Variants in LRRC4C observed in about 807,000 individuals in gnomAD.
LRRC4C encodes the protein leucine rich repeat containing 4C, also known as leucine-rich repeat-containing protein 4C.
LRRC4C carries 5 observed loss-of-function variants against 33.6 expected under a neutral mutation model. The observed-to-expected ratio is 0.15, with a 90% CI of 0.08 to 0.31. The LOEUF (loss-of-function observed/expected upper bound fraction) is 0.31. Ranked by LOEUF, LRRC4C falls within the 10% of genes least tolerant of loss-of-function variation. The pLI is 1.00. For synonymous variants in LRRC4C, 329 were observed against 302.0 expected (o/e 1.09, Z -0.93); for missense variants, 560 against 796.7 (o/e 0.70, Z 3.58).
At chr11:41,094,593 T>C (rs1376633017) in intron 1 of LRRC4C, among the ~76,000 whole-genome samples, 2 of 152,152 alleles carry the variant, frequency 1.3e-5, no homozygotes, top group Non-Finnish European at 2.9e-5. Flanking sequence ...CCTGTGTGAA[T>C]AGCTATCTAT....
At chr11:41,019,241 A>G (rs1441176996) in intron 1 of LRRC4C, among the ~76,000 whole-genome samples, 2 of 151,676 alleles carry the variant, frequency 1.3e-5, no homozygotes, top group African/African-American at 4.8e-5. Flanking sequence ...TCAATGTTCA[A>G]CTCTCACTTA....
chr11:40,298,542 C>T (rs1346780832), intron 4 of LRRC4C, among the ~76,000 whole-genome samples: 4 of 151,436 alleles, frequency 2.6e-5, no homozygotes, highest in Non-Finnish European at 4.4e-5. Flanking sequence ...CCTTTTCAGG[C>T]TTCTGTGTGA....
In LRRC4C at chr11:40,297,974, A is replaced by G. The variant is rs1273244236; in HGVS notation, c.-176+21654T>C. ...TTTGCTCATGTCTATGTCCCCCCCAACCTCCAAACCATAATTGATTTCACA... is the reference window on the plus strand; with the variant it reads ...TTTGCTCATGTCTATGTCCCCCCCAGCCTCCAAACCATAATTGATTTCACA... On this transcript the variant is annotated intron_variant, in intron 4 of 6. Coordinates refer to ENST00000528697, the MANE Select transcript of LRRC4C (RefSeq NM_001258419.2). Among the ~76,000 whole-genome samples the G allele has an allele frequency of 3.3e-5, 5 of 152,152 alleles. No individual in the cohort carries two copies. The East Asian group carries it at 5.8e-4, about 18-fold the overall frequency.
At chr11:40,127,992 C>T (rs141468692) in intron 6 of LRRC4C, among the ~76,000 whole-genome samples, 4 of 152,220 alleles carry the variant, frequency 2.6e-5, no homozygotes, top group Non-Finnish European at 5.9e-5. Context: ...TAATTTGAAA[C>T]AATGCTGAAG....
At chr11:40,995,736 A>T (rs903333008) in intron 1 of LRRC4C, among the ~76,000 whole-genome samples, 3 of 152,160 alleles carry the variant, frequency 2.0e-5, no homozygotes, top group African/African-American at 7.2e-5. Flanking sequence ...AGGTAGAATT[A>T]TATTACAACT....
intron 3 of LRRC4C, among the ~76,000 whole-genome samples, chr11:40,476,827 T>C (rs1321097025): frequency 6.6e-6 from 1 of 152,214 alleles, no homozygotes; most frequent in African/African-American, 2.4e-5. Flanking sequence ...TAAACATTTT[T>C]TAAAAAGGAG....
chr11:40,551,928 T>C (rs910351776), intron 3 of LRRC4C, among the ~76,000 whole-genome samples: 2 of 152,198 alleles, frequency 1.3e-5, no homozygotes, highest in Admixed American at 1.3e-4. Context: ...TTTAAGTTAG[T>C]AGACTTTGAG....
chr11:41,396,387 G>T (rs1953815464), intron 1 of LRRC4C, among the ~76,000 whole-genome samples: 2 of 152,118 alleles, frequency 1.3e-5, no homozygotes, highest in South Asian at 4.1e-4. Flanking sequence ...TTAAAGTGCA[G>T]AGTTTAGATT....
intron 2 of LRRC4C, among the ~76,000 whole-genome samples, chr11:40,778,146 T>C (rs150075054): frequency 4.9e-4 from 74 of 152,346 alleles, no homozygotes; most frequent in African/African-American, 1.7e-3. Context: ...AGTTGTTTTA[T>C]ATGGTCTGTT....
At chr11:40,814,937 A>C (rs1488871441) in intron 2 of LRRC4C, among the ~76,000 whole-genome samples, 1 of 152,122 alleles carries the variant, frequency 6.6e-6, no homozygotes, top group African/African-American at 2.4e-5. Flanking sequence ...AAACATTCCC[A>C]TATTTTTCTG....
In LRRC4C at chr11:40,382,123, ATTTTTTTTTTT is replaced by A. The variant is rs77934711; in HGVS notation, c.-269-62413_-269-62403del. ...AGGCGCCCACCACTATGCCCGGCTAATTTTTTTTTTTTTTTTTTTTTTTTTTTTTTTTGTAT... is the reference window on the plus strand; with the variant it reads ...AGGCGCCCACCACTATGCCCGGCTAATTTTTTTTTTTTTTTTTTTTTGTAT... On this transcript the variant is annotated intron_variant, in intron 3 of 6. Coordinates refer to ENST00000528697, the MANE Select transcript of LRRC4C (RefSeq NM_001258419.2). 3.2e-4 allele frequency among the ~76,000 whole-genome samples: 32 copies of A among 99,982 alleles called. No individual in the cohort carries two copies. In the South Asian group the frequency reaches 3.6e-3, roughly 11 times the overall value. The allele number at this position is 99,982 out of a possible 152,430, so 65.6% of individuals were successfully genotyped here.
intron 2 of LRRC4C, among the ~76,000 whole-genome samples, chr11:40,780,886 A>G (rs1415155554): frequency 6.6e-6 from 1 of 151,978 alleles, no homozygotes; most frequent in Non-Finnish European, 1.5e-5. Context: ...GGGAGGGAGG[A>G]AAAAGAAAAA....
chr11:40,780,879 A>G (rs1043032571), intron 2 of LRRC4C, among the ~76,000 whole-genome samples: 3 of 151,646 alleles, frequency 2.0e-5, no homozygotes, highest in African/African-American at 7.3e-5. Context: ...GTGGAAAGGG[A>G]GGGAGGAAAA....
At chr11:40,265,429 G>A (rs1307041895) in intron 4 of LRRC4C, among the ~76,000 whole-genome samples, 1 of 152,070 alleles carries the variant, frequency 6.6e-6, no homozygotes, top group African/African-American at 2.4e-5. Flanking sequence ...TTTTTAAAAA[G>A]GCTTCAATTT....
chr11:41,187,592 G>A (rs1002084902), intron 1 of LRRC4C, among the ~76,000 whole-genome samples: 6 of 152,152 alleles, frequency 3.9e-5, no homozygotes, highest in African/African-American at 1.2e-4. Flanking sequence ...CCAAGCCCAC[G>A]TGTTATCAGA....
At chr11:40,423,732 A>G (rs901593617) in intron 3 of LRRC4C, among the ~76,000 whole-genome samples, 7 of 152,134 alleles carry the variant, frequency 4.6e-5, no homozygotes, top group African/African-American at 1.7e-4. Context: ...TGTTTAGGTA[A>G]AAAATTATTA....
chr11:40,291,701 A>G (rs1054966868), intron 4 of LRRC4C, among the ~76,000 whole-genome samples: 12 of 152,272 alleles, frequency 7.9e-5, no homozygotes, highest in Admixed American at 7.8e-4. Context: ...CCCACGCACC[A>G]GCCAGAAGCC....
intron 1 of LRRC4C, among the ~76,000 whole-genome samples, chr11:41,078,930 A>G (rs1939357760): frequency 6.6e-6 from 1 of 152,198 alleles, no homozygotes; most frequent in Non-Finnish European, 1.5e-5. Flanking sequence ...GCATAATTGC[A>G]ATAACCTCCT....
intron 1 of LRRC4C, among the ~76,000 whole-genome samples, chr11:41,448,120 C>CTTTTTTTTTTTTTTTTTTTTTT (rs1211366298): frequency 2.1e-4 from 5 of 23,858 alleles, no homozygotes; most frequent in Admixed American, 3.5e-4. Flanking sequence ...CTGCACACGT[C>CTTTTTTTTTTTTTTTTTTTTTT]TGTTTTTTTT....
Sources: allele counts gnomAD v4.1 joint callset (sites outside exome capture counted in the v4.1 genomes callset), GRCh38; gene constraint gnomAD v4.1.1; transcripts MANE v1.5; gene names NCBI Gene and HGNC (gene_info 2026-07-23, HGNC 2026-07-21).